ZNF365: variants seen among roughly 807,000 people sequenced by gnomAD.
The protein encoded by ZNF365 is protein ZNF365.
In ZNF365, 22 loss-of-function variants were observed where a neutral mutation model predicts 35.0. The observed-to-expected ratio is 0.63, with a 90% CI of 0.45 to 0.90. The LOEUF is 0.90. Ranked by LOEUF, ZNF365 falls within the 40% of genes least tolerant of loss-of-function variation. The probability of loss-of-function intolerance (pLI) is 0.00; values close to 1 mark genes in which losing one functional copy is unlikely to be tolerated. For missense variants in ZNF365, 448 were observed against 500.3 expected, an observed-to-expected ratio of 0.90 and a Z score of 1.00; for synonymous variants, 188 against 196.2, an observed-to-expected ratio of 0.96 and a Z score of 0.35.
chr10:62,381,980 A>C (rs1014926761), intron 2 of ZNF365, among the ~76,000 whole-genome samples: 1 of 152,194 alleles, frequency 6.6e-6, no homozygotes, highest in East Asian at 1.9e-4. Context: ...GGGATGGTAA[A>C]CCAAAGGCAT....
At chr10:62,464,769 A>G (rs1193812748) in intron 4 of ZNF365, among the ~76,000 whole-genome samples, 1 of 152,242 alleles carries the variant, frequency 6.6e-6, no homozygotes. Context: ...TCCTCATGTT[A>G]GGGACACAAT....
At chr10:62,465,332 G>T (rs1199085028) in intron 4 of ZNF365, among the ~76,000 whole-genome samples, 1 of 152,192 alleles carries the variant, frequency 6.6e-6, no homozygotes, top group Non-Finnish European at 1.5e-5. Context: ...GTGGCTTGGT[G>T]CAGGCCTGCA....
chr10:62,388,529 C>G lies in ZNF365; in HGVS notation c.877C>G (p.Gln293Glu). 5.6e-6 allele frequency: 9 copies of G among 1,614,100 alleles called. No individual in the cohort carries two copies. The highest frequency in any genetic ancestry group is 7.6e-6 in the Non-Finnish European group (9 of 1,180,024). ...GGCGGAGAAGCAGCTTGAGTACTAT[C>G]AGAGCCAGCAGGCCTCTGGCTTTGT... ...ELAEKQLEYY[Q>E]SQQASGFVRD... The change falls in exon 3 of 5, where the codon CAG becomes GAG. Residue 293 changes from glutamine to glutamate, a missense_variant. Around this residue, in one of 3 missense-constraint regions of ZNF365, gnomAD observed 362 missense variants for 375.7 expected, o/e 0.96. Coordinates refer to ENST00000395254, the MANE Select transcript of ZNF365 (RefSeq NM_014951.3).
At chr10:62,422,953 C>CA (rs1840197046) in intron 3 of ZNF365, among the ~76,000 whole-genome samples, 2 of 152,246 alleles carry the variant, frequency 1.3e-5, no homozygotes, top group African/African-American at 4.8e-5. Flanking sequence ...CTCTAGTCTC[C>CA]TAAGAAATAT....
chr10:62,447,764 A>T (rs1041950962), intron 3 of ZNF365, among the ~76,000 whole-genome samples: 2 of 152,150 alleles, frequency 1.3e-5, no homozygotes, highest in African/African-American at 4.8e-5. Flanking sequence ...CTCCTCTAAC[A>T]TGTGTCCTGA....
chr10:62,413,155 CT>C (rs1840012730), intron 3 of ZNF365, among the ~76,000 whole-genome samples: 1 of 152,162 alleles, frequency 6.6e-6, no homozygotes, highest in African/African-American at 2.4e-5. Flanking sequence ...TTTCTATTAG[CT>C]CTCCAACTAA....
chr10:62,408,640 G>A (rs2132437339), intron 3 of ZNF365, among the ~76,000 whole-genome samples: 1 of 152,158 alleles, frequency 6.6e-6, no homozygotes, highest in Non-Finnish European at 1.5e-5. Flanking sequence ...CGGAGACTTA[G>A]AAAAGAGAGT....
At chr10:62,451,990 G>C (rs1376981911) in intron 3 of ZNF365, among the ~76,000 whole-genome samples, 1 of 152,156 alleles carries the variant, frequency 6.6e-6, no homozygotes, top group Non-Finnish European at 1.5e-5. Flanking sequence ...CCACATACTT[G>C]TCAGAGAGAC....
At chr10:62,431,132 G>C (rs1251089413) in intron 3 of ZNF365, among the ~76,000 whole-genome samples, 1 of 152,126 alleles carries the variant, frequency 6.6e-6, no homozygotes, top group African/African-American at 2.4e-5. Context: ...GCCCTGCCTG[G>C]GAGGACTAAC....
intron 3 of ZNF365, among the ~76,000 whole-genome samples, chr10:62,408,302 T>C (rs1218502966): frequency 6.6e-6 from 1 of 152,126 alleles, no homozygotes; most frequent in Non-Finnish European, 1.5e-5. Flanking sequence ...AAGGGCAACG[T>C]TTAATGAACT....
At chr10:62,385,863 G>A (rs889227868) in intron 2 of ZNF365, among the ~76,000 whole-genome samples, 2 of 151,996 alleles carry the variant, frequency 1.3e-5, no homozygotes, top group Non-Finnish European at 1.5e-5. Flanking sequence ...ATAATAAGAT[G>A]TAGGAAATAT....
chr10:62,435,539 A>G (rs1054685106), intron 3 of ZNF365, among the ~76,000 whole-genome samples: 3 of 152,190 alleles, frequency 2.0e-5, no homozygotes, highest in East Asian at 1.9e-4. Context: ...AGATTAAAGG[A>G]TAACACTCGG....
intron 3 of ZNF365, among the ~76,000 whole-genome samples, chr10:62,411,923 T>C (rs1024038960): frequency 1.3e-5 from 2 of 151,840 alleles, no homozygotes; most frequent in Admixed American, 6.6e-5. Flanking sequence ...CCTAACACCA[T>C]AATTAAAAGA....
At chr10:62,406,373 T>C (rs1839905383), downstream of ZNF365, among the ~76,000 whole-genome samples, 1 of 152,220 alleles carries the variant, frequency 6.6e-6, no homozygotes, top group Non-Finnish European at 1.5e-5. Context: ...CTTGTAGGAC[T>C]GATTCTAGGT....
intron 3 of ZNF365, among the ~76,000 whole-genome samples, chr10:62,414,478 G>A (rs903149829): frequency 6.6e-6 from 1 of 151,986 alleles, no homozygotes; most frequent in Non-Finnish European, 1.5e-5. Context: ...CAAAGTGCTG[G>A]CAAGTGTGAG....
chr10:62,401,521 G>A lies in ZNF365; in HGVS notation c.*1732G>A. On this transcript the variant is annotated 3_prime_UTR_variant, in exon 5 of 5. Transcript: ENST00000395254. ...AGATCATTCATGTGATATATAAGCA[G>A]CTATCAAGTGGGCAAAAACATTGCT... is the stretch of plus-strand genomic sequence containing the variant. 1.0e-6 allele frequency: 1 copy of A among 985,458 alleles called. No homozygotes were observed. Among genetic ancestry groups the A allele is most frequent in the South Asian group, 4.7e-5 (1 of 21,288 alleles). The allele number at this position is 985,458 out of a possible 1,614,324, so 61.0% of individuals were successfully genotyped here. A position where few individuals can be genotyped will look rare whatever the true frequency, so the allele number is the denominator to read the frequency against.
At chr10:62,480,048 C>G in exon 5 of ZNF365, 1 of 1,379,958 alleles carries the variant, frequency 7.2e-7, no homozygotes, top group Non-Finnish European at 9.6e-7. Context: ...TACTTGGTGA[C>G]TTTACTCACC....
In ZNF365 at chr10:62,399,810, C is replaced by G. The variant is rs146162672; in HGVS notation, c.*21C>G. The G allele has an allele frequency of 6.3e-7, 1 of 1,597,978 alleles. No homozygotes were observed. Among genetic ancestry groups the G allele is most frequent in the African/African-American group, 1.3e-5 (1 of 74,302 alleles). On this transcript the variant is annotated 3_prime_UTR_variant, in exon 5 of 5. Coordinates refer to ENST00000395254, the MANE Select transcript of ZNF365 (RefSeq NM_014951.3). ...TCTAAAAGGGTGGGTGGTGCTGGACCAATCATCGCTGGGCTTTGGGGAACG... is the reference window on the plus strand; with the variant it reads ...TCTAAAAGGGTGGGTGGTGCTGGACGAATCATCGCTGGGCTTTGGGGAACG...
chr10:62,374,695 C>T (rs998275002), intron 1 of ZNF365, among the ~76,000 whole-genome samples: 3 of 152,224 alleles, frequency 2.0e-5, no homozygotes, highest in African/African-American at 7.2e-5. Context: ...GGGTCATTGC[C>T]AGCCTGCCCT....
Sources: gnomAD v4.1 joint callset for allele counts (sites outside exome capture counted in the v4.1 genomes callset) on GRCh38, gnomAD v4.1.1 for gene constraint, gnomAD v4.1.1 regional missense constraint, MANE v1.5 for transcripts, NCBI Gene and HGNC (gene_info 2026-07-23, HGNC 2026-07-21) for gene names.